ZNF626: variants seen among roughly 807,000 people sequenced by gnomAD.
ZNF626 encodes CTC-513N18.7.
A neutral mutation model predicts 11.7 loss-of-function variants in ZNF626; 4 were observed. The observed-to-expected ratio is 0.34, with a 90% confidence interval of 0.17 to 0.78. The LOEUF is 0.78. Among genes scored for constraint, ZNF626 ranks in the 30% least tolerant of loss-of-function variants. ZNF626 has a pLI of 0.57. For synonymous variants in ZNF626, 179 were observed against 198.6 expected, an observed-to-expected ratio of 0.90 and a Z score of 0.83; for missense variants, 588 against 587.1, an observed-to-expected ratio of 1.00 and a Z score of -0.01.
intron 1 of ZNF626, among the ~76,000 whole-genome samples, chr19:20,659,591 CTAG>C (rs1970242318): frequency 6.6e-6 from 1 of 151,932 alleles, no homozygotes; most frequent in East Asian, 1.9e-4. Flanking sequence ...ATCCCTCAGG[CTAG>C]TGAGGGATGG....
chr19:20,632,187 G>A (rs1409108534), intron 3 of ZNF626, among the ~76,000 whole-genome samples: 1 of 152,166 alleles, frequency 6.6e-6, no homozygotes, highest in Non-Finnish European at 1.5e-5. Context: ...TCCCTTTGTG[G>A]ATAACCCGAG....
intron 1 of ZNF626, 126 bp from the exon 2 acceptor site, chr19:20,646,531 A>G (rs1284278336): frequency 2.6e-6 from 4 of 1,512,428 alleles, no homozygotes; most frequent in Non-Finnish European, 3.6e-6. Flanking sequence ...AAATTATCCA[A>G]TAAAATGATT....
chr19:20,632,549 C>G (rs1437583128), intron 3 of ZNF626, among the ~76,000 whole-genome samples: 4 of 152,172 alleles, frequency 2.6e-5, no homozygotes, highest in Non-Finnish European at 4.4e-5. Context: ...CATTTTCCAT[C>G]GCTGATACCC....
intron 1 of ZNF626, among the ~76,000 whole-genome samples, chr19:20,648,175 C>CAAAA (rs34417157): frequency 9.6e-6 from 1 of 104,112 alleles, no homozygotes; most frequent in African/African-American, 3.3e-5. Context: ...GACTCCGTGT[C>CAAAA]AAAAAAAAAA....
At position 20,625,323 on chromosome 19, in the gene ZNF626, A is replaced by C. The variant is rs1197852555; in HGVS notation, c.554T>G (p.Phe185Cys). 6.2e-7 allele frequency: 1 copy of C among 1,613,472 alleles called. No individual in the cohort carries two copies. The highest frequency in any genetic ancestry group is 1.7e-5 in the Admixed American group (1 of 59,930). The part of the protein sequence containing the change: ...YIECGKAFKQ[F>C]STLTTHKKIH... ...TTTCTTATGTGTAGTAAGAGTTGAG[A>C]ACTGCTTAAAAGCTTTGCCACATTC... The change falls in exon 4 of 4, where the codon TTC (phenylalanine) becomes TGC (cysteine). Residue 185 changes from phenylalanine (F) to cysteine (C), a missense_variant. Coordinates refer to ENST00000601440, the MANE Select transcript of ZNF626 (RefSeq NM_001076675.3).
intron 1 of ZNF626, among the ~76,000 whole-genome samples, chr19:20,649,112 A>C (rs1970118024): frequency 6.6e-6 from 1 of 152,130 alleles, no homozygotes; most frequent in Non-Finnish European, 1.5e-5. Context: ...AAGAAAAGCC[A>C]CTTTTTTTTC....
intron 3 of ZNF626, among the ~76,000 whole-genome samples, chr19:20,629,127 G>A (rs1247264247): frequency 6.6e-6 from 1 of 152,250 alleles, no homozygotes; most frequent in South Asian, 2.1e-4. Context: ...GCTCTGTTCT[G>A]TTCCATTGGT....
chr19:20,645,735 C>T lies in ZNF626; in HGVS notation c.175G>A (p.Gly59Arg), dbSNP rs1555771837. Residue 59 changes from glycine (G) to arginine (R), a missense_variant, in exon 3 of 4, where the codon GGA (glycine) becomes AGA (arginine). By Grantham distance (125) the Gly-to-Arg change is moderately radical (BLOSUM62 -2). Around this residue, in one of 4 missense-constraint regions of ZNF626, gnomAD observed 524 missense variants for 470.1 expected, o/e 1.11. Transcript: ENST00000601440. ...CTCTTCATGGTCAAAGGTTTTCTTC[C>T]TTGCTCCAGACAGGTGATCAGGTCT... ...KPDLITCLEQ[G>R]RKPLTMKRNE... 2 of 1,611,816 alleles carry T rather than the reference C, an allele frequency of 1.2e-6. No individual in the cohort carries two copies. Among genetic ancestry groups the T allele is most frequent in the East Asian group, 2.2e-5 (1 of 44,858 alleles).
At chr19:20,658,112 G>GAA (rs797035719) in intron 1 of ZNF626, among the ~76,000 whole-genome samples, 6 of 142,592 alleles carry the variant, frequency 4.2e-5, no homozygotes, top group African/African-American at 1.5e-4. Flanking sequence ...GCTAAAAAAA[G>GAA]AAAAAAAAAA....
At chr19:20,627,187 G>A (rs1051220511) in intron 3 of ZNF626, among the ~76,000 whole-genome samples, 1 of 152,016 alleles carries the variant, frequency 6.6e-6, no homozygotes, top group South Asian at 2.1e-4. Context: ...AAGGAAAAAT[G>A]ATGTAAACAT....
In ZNF626 at chr19:20,625,383, C is replaced by G. The variant is rs373180180; in HGVS notation, c.494G>C (p.Arg165Thr). The G allele has an allele frequency of 7.7e-5, 124 of 1,613,924 alleles. No homozygotes were observed. Among genetic ancestry groups the G allele is most frequent in the Non-Finnish European group, 1.0e-4 (123 of 1,180,020 alleles). Residue 165 changes from arginine to threonine, a missense_variant, in exon 4 of 4, where the codon AGA becomes ACA. Arg to Thr is a moderately conservative substitution (Grantham distance 71, BLOSUM62 -1). Transcript: ENST00000601440. Reference protein sequence around the residue: ...HQFPNSNGQKRGHTGKKPFKY... With the variant: ...HQFPNSNGQKTGHTGKKPFKY... ...GAAAGGTTTTTTCCCAGTATGTCCT[C>G]TCTTTTGTCCGTTTGAATTTGGAAA... is the stretch of plus-strand genomic sequence containing the variant.
At chr19:20,649,032 T>A (rs1277731657) in intron 1 of ZNF626, among the ~76,000 whole-genome samples, 2 of 152,194 alleles carry the variant, frequency 1.3e-5, no homozygotes, top group African/African-American at 2.4e-5. Flanking sequence ...TAAAGGTTTG[T>A]GAGTACTAAA....
intron 3 of ZNF626, among the ~76,000 whole-genome samples, chr19:20,633,788 A>C (rs1401007346): frequency 1.3e-5 from 2 of 152,086 alleles, no homozygotes; most frequent in Non-Finnish European, 2.9e-5. Flanking sequence ...AGTGCGCTGC[A>C]CCCACCATCC....
chr19:20,637,290 G>T (rs1434246143), intron 3 of ZNF626, among the ~76,000 whole-genome samples: 2 of 151,950 alleles, frequency 1.3e-5, no homozygotes, highest in Non-Finnish European at 2.9e-5. Context: ...TTCGAGACCA[G>T]CCTGGCCAAC....
rs1555770249 is a variant in ZNF626 at position 20,630,418 on chromosome 19, TTTG to T, written c.227-4771_227-4769del. Among the ~76,000 whole-genome samples, 296 of 152,314 alleles carry T rather than the reference TTTG, an allele frequency of 1.9e-3. 5 individuals carry two copies. In the East Asian group the frequency reaches 0.053, roughly 27 times the overall value. On this transcript the variant is annotated intron_variant, in intron 3 of 3. Transcript: ENST00000601440. ...TGAATCCATCTGGTCCTGAACTTTTTTTGATTGGTAAGCTATTGATTATTGCCT... is the reference window on the plus strand; with the variant it reads ...TGAATCCATCTGGTCCTGAACTTTTTATTGGTAAGCTATTGATTATTGCCT...
At chr19:20,627,072 AG>A (rs1166420400) in intron 3 of ZNF626, among the ~76,000 whole-genome samples, 2 of 152,158 alleles carry the variant, frequency 1.3e-5, no homozygotes, top group African/African-American at 4.8e-5. Flanking sequence ...GAAACAAACA[AG>A]TACTGAAGAT....
chr19:20,657,670 T>G (rs190101822), intron 1 of ZNF626, among the ~76,000 whole-genome samples: 44 of 152,058 alleles, frequency 2.9e-4, no homozygotes, highest in African/African-American at 9.6e-4. Flanking sequence ...CTAGGTGTGG[T>G]GGCATGCGAC....
intron 3 of ZNF626, among the ~76,000 whole-genome samples, chr19:20,636,747 T>C (rs188351970): frequency 1.1e-4 from 16 of 152,276 alleles, no homozygotes; most frequent in Non-Finnish European, 1.5e-4. Context: ...AGGGTTGTGC[T>C]CCCTGGCTCA....
chr19:20,633,063 T>C (rs1208397452), intron 3 of ZNF626, among the ~76,000 whole-genome samples: 1 of 152,154 alleles, frequency 6.6e-6, no homozygotes, highest in East Asian at 1.9e-4. Context: ...CAGACACTGT[T>C]TGCCTGGGTA....
Sources: gnomAD v4.1 joint callset for allele counts (sites outside exome capture counted in the v4.1 genomes callset) on GRCh38, gnomAD v4.1.1 for gene constraint, gnomAD v4.1.1 regional missense constraint, MANE v1.5 for transcripts, NCBI Gene and HGNC (gene_info 2026-07-23, HGNC 2026-07-21) for gene names.